The following SPTLC3 variants were observed in gnomAD, a reference collection of about 807,000 sequenced individuals.
SPTLC3 encodes the protein serine palmitoyltransferase long chain base subunit 3.
In SPTLC3, 36 loss-of-function variants were observed where a neutral mutation model predicts 59.3. The ratio of observed to expected loss-of-function variants is 0.61; its 90% CI spans 0.47 to 0.80. The LOEUF is 0.80. Ranked by LOEUF, SPTLC3 falls within the 30% of genes least tolerant of loss-of-function variation. The pLI, the probability that SPTLC3 is intolerant of heterozygous loss-of-function variation, is 0.00. For missense variants in SPTLC3, 625 were observed against 685.1 expected, an observed-to-expected ratio of 0.91 and a Z score of 0.98; for synonymous variants, 257 against 240.8, an observed-to-expected ratio of 1.07 and a Z score of -0.62.
intron 9 of SPTLC3, among the ~76,000 whole-genome samples, 187 bp from the exon 10 acceptor site, chr20:13,153,816 T>G (rs6033626): frequency 6.6e-6 from 1 of 152,204 alleles, no homozygotes; most frequent in South Asian, 2.1e-4. Flanking sequence ...GCCTTCCAGG[T>G]GCAAGGTAGT....
Position 13,160,142 on chromosome 20 carries a change from C to G in SPTLC3, c.1545+10C>G. On this transcript the variant is annotated intron_variant, in intron 11 of 11. Coordinates refer to ENST00000399002, the MANE Select transcript of SPTLC3 (RefSeq NM_018327.4). ...GGAGATGTTAGACACGGTGAGTACA[C>G]CACAGGCCAACGGGATCTCAGTACC... 1 of 1,612,530 alleles carries G rather than the reference C, an allele frequency of 6.2e-7. No individual in the cohort carries two copies. Among genetic ancestry groups the G allele is most frequent in the South Asian group, 1.1e-5 (1 of 90,918 alleles).
chr20:13,049,204 A>T (rs768770980), intron 2 of SPTLC3, 74 bp downstream of exon 2: 24 of 1,534,040 alleles, frequency 1.6e-5, no homozygotes, highest in Middle Eastern at 1.7e-4. Flanking sequence ...GTGGTGATGC[A>T]GGTGCAGATC....
intron 9 of SPTLC3, among the ~76,000 whole-genome samples, chr20:13,145,552 G>T (rs1346235930): frequency 1.3e-5 from 2 of 152,010 alleles, no homozygotes; most frequent in East Asian, 3.8e-4. Context: ...CATTAAAATG[G>T]CTATACTGCC....
chr20:13,055,742 GA>G (rs1187454662), intron 2 of SPTLC3, among the ~76,000 whole-genome samples: 4 of 152,178 alleles, frequency 2.6e-5, no homozygotes, highest in African/African-American at 9.7e-5. Context: ...CTGAATGCAG[GA>G]AGGTTATTGG....
intron 1 of SPTLC3, among the ~76,000 whole-genome samples, chr20:13,030,796 AC>A (rs1430780626): frequency 6.6e-6 from 1 of 152,056 alleles, no homozygotes; most frequent in Non-Finnish European, 1.5e-5. Flanking sequence ...TGCCTGGAAG[AC>A]TTTTTATTCC....
intron 8 of SPTLC3, among the ~76,000 whole-genome samples, chr20:13,119,856 C>G (rs1990803941): frequency 1.3e-5 from 2 of 152,178 alleles, no homozygotes; most frequent in South Asian, 2.1e-4. Flanking sequence ...GCCTGTATCC[C>G]TGATGACTTA....
At chr20:13,100,007 T>C (rs1333323144) in intron 6 of SPTLC3, among the ~76,000 whole-genome samples, 1 of 152,212 alleles carries the variant, frequency 6.6e-6, no homozygotes, top group Non-Finnish European at 1.5e-5. Context: ...TCACAGACTG[T>C]CCTCTGCTTC....
intron 8 of SPTLC3, among the ~76,000 whole-genome samples, chr20:13,119,256 G>T (rs757623183): frequency 6.6e-6 from 1 of 152,114 alleles, no homozygotes; most frequent in Non-Finnish European, 1.5e-5. Flanking sequence ...TGAATAAACC[G>T]AAGCAAGCCA....
chr20:13,115,818 G>A (rs1424685517), intron 7 of SPTLC3, among the ~76,000 whole-genome samples: 1 of 152,090 alleles, frequency 6.6e-6, no homozygotes, highest in Non-Finnish European at 1.5e-5. Flanking sequence ...TCAAGTGATT[G>A]TTATAAAGAC....
intron 7 of SPTLC3, among the ~76,000 whole-genome samples, chr20:13,114,089 A>G (rs1990399484): frequency 6.6e-6 from 1 of 152,238 alleles, no homozygotes; most frequent in African/African-American, 2.4e-5. Flanking sequence ...CAATGTAAAT[A>G]GAAGAGTCAG....
intron 2 of SPTLC3, among the ~76,000 whole-genome samples, chr20:13,065,269 T>TG (rs1051012014): frequency 5.3e-5 from 8 of 151,534 alleles, no homozygotes; most frequent in East Asian, 1.9e-4. Context: ...GTTAGAGTTT[T>TG]TTTTTTTTTT....
At chr20:13,044,224 C>T (rs907941365) in intron 1 of SPTLC3, among the ~76,000 whole-genome samples, 2 of 151,926 alleles carry the variant, frequency 1.3e-5, no homozygotes, top group Admixed American at 1.3e-4. Flanking sequence ...CCTCAGCCTC[C>T]TGAGTAGCTG....
At position 13,160,009 on chromosome 20, in the gene SPTLC3, T is replaced by G. The variant is rs1292386326; in HGVS notation, c.1422T>G (p.Phe474Leu). 6 of 1,607,518 alleles carry G rather than the reference T, an allele frequency of 3.7e-6. No homozygotes were observed. The South Asian group carries it at 5.5e-5, about 15-fold the overall frequency. ...TTTTTTGCTTTTCCTTAAGGGCTTT[T>G]GCAAGGCATATGCTAGAGAAAAAAA... Reference protein sequence around the residue: ...LLYMPGKVAAFARHMLEKKIG... With the variant: ...LLYMPGKVAALARHMLEKKIG... The change falls in exon 11 of 12, where the codon TTT becomes TTG. Residue 474 changes from phenylalanine (F) to leucine (L), a missense_variant. Coordinates refer to ENST00000399002, the MANE Select transcript of SPTLC3 (RefSeq NM_018327.4).
chr20:13,139,480 T>C (rs1003567433), intron 9 of SPTLC3, among the ~76,000 whole-genome samples: 8 of 152,222 alleles, frequency 5.3e-5, no homozygotes, highest in African/African-American at 1.9e-4. Context: ...TTCCATTTTG[T>C]AGCTCCTCCA....
intron 1 of SPTLC3, among the ~76,000 whole-genome samples, chr20:13,028,046 G>T (rs1427539329): frequency 6.6e-6 from 1 of 152,164 alleles, no homozygotes; most frequent in Admixed American, 6.5e-5. Context: ...TCACGCCTTG[G>T]TTCCTTTGTT....
At chr20:13,090,699 C>T (rs1000936517) in intron 4 of SPTLC3, among the ~76,000 whole-genome samples, 1 of 152,158 alleles carries the variant, frequency 6.6e-6, no homozygotes, top group Non-Finnish European at 1.5e-5. Context: ...TAACTACTAT[C>T]CTGACTTCTA....
chr20:13,060,431 C>T (rs1382145700), intron 2 of SPTLC3, among the ~76,000 whole-genome samples: 2 of 147,482 alleles, frequency 1.4e-5, no homozygotes, highest in Non-Finnish European at 3.0e-5. Context: ...GGGGATTGTC[C>T]TACTTTATTT....
At chr20:13,151,703 T>G (rs1239047489) in intron 9 of SPTLC3, among the ~76,000 whole-genome samples, 2 of 152,222 alleles carry the variant, frequency 1.3e-5, no homozygotes, top group Non-Finnish European at 2.9e-5. Context: ...TTAGGCCTGA[T>G]GAGCAAAGGA....
intron 1 of SPTLC3, among the ~76,000 whole-genome samples, chr20:13,027,669 ACACACACACACG>A (rs1414789357): frequency 2.7e-5 from 4 of 148,608 alleles, no homozygotes; most frequent in African/African-American, 1.0e-4. Context: ...ACACACACAC[ACACACACACACG>A]CAAAAGTGTC....
Sources: allele counts gnomAD v4.1 joint callset (sites outside exome capture counted in the v4.1 genomes callset), GRCh38; gene constraint gnomAD v4.1.1; transcripts MANE v1.5; gene names NCBI Gene and HGNC (gene_info 2026-07-23, HGNC 2026-07-21).